PPP4R3B: variants seen among roughly 807,000 people sequenced by gnomAD.
PPP4R3B encodes the protein protein phosphatase 4 regulatory subunit 3B, also known as serine/threonine-protein phosphatase 4 regulatory subunit 3B.
In PPP4R3B, 52 loss-of-function variants were observed where a neutral mutation model predicts 95.4. That is an observed-to-expected ratio of 0.54 (90% CI 0.44 to 0.69). PPP4R3B has a LOEUF of 0.69. Among genes scored for constraint, PPP4R3B ranks in the 30% least tolerant of loss-of-function variants. PPP4R3B has a pLI of 0.00. For synonymous variants in PPP4R3B, 407 were observed against 343.9 expected (o/e 1.18, Z -2.03); for missense variants, 1,003 against 1,005.9 (o/e 1.00, Z 0.04).
chr2:55,571,772 T>C (rs1688031765), intron 12 of PPP4R3B, among the ~76,000 whole-genome samples: 2 of 152,116 alleles, frequency 1.3e-5, no homozygotes, highest in African/African-American at 4.8e-5. Flanking sequence ...ATTACAGACA[T>C]ACACCACCAT....
chr2:55,588,775 TA>T, intron 5 of PPP4R3B, 103 bp downstream of exon 5: 1 of 624,606 alleles, frequency 1.6e-6, no homozygotes, highest in Non-Finnish European at 2.8e-6. Context: ...CATCTCTTAC[TA>T]ATCTAATTAC....
intron 3 of PPP4R3B, 70 bp downstream of exon 3, chr2:55,603,908 A>C: frequency 1.9e-6 from 2 of 1,069,428 alleles, no homozygotes; most frequent in Non-Finnish European, 1.4e-6. Flanking sequence ...AATATGTTTG[A>C]AGTAAAAAGG....
rs1395063140 is a variant in PPP4R3B, at chr2:55,593,065, T to G, written c.922-4109A>C. ...TCCCAGCTCCCAGGAGGCTGAGGCT[T>G]GAGAATCACTTTAACCTGGGAGGCA... On this transcript the variant is annotated intron_variant, in intron 4 of 16. Transcript: ENST00000616407. Among the ~76,000 whole-genome samples the G allele has an allele frequency of 4.6e-5, 7 of 152,042 alleles. No individual in the cohort carries two copies. In the East Asian group the frequency reaches 1.4e-3, roughly 29 times the overall value.
At chr2:55,610,122 CTTTAATA>C (rs1024615872) in intron 2 of PPP4R3B, among the ~76,000 whole-genome samples, 1 of 152,174 alleles carries the variant, frequency 6.6e-6, no homozygotes, top group African/African-American at 2.4e-5. Flanking sequence ...GATTCCTTCT[CTTTAATA>C]TTTAATCATT....
intron 11 of PPP4R3B, 109 bp from the exon 12 acceptor site, chr2:55,573,886 C>CATT: frequency 2.2e-5 from 6 of 277,162 alleles, no homozygotes; most frequent in Non-Finnish European, 3.5e-5. Context: ...GTATTTCCTC[C>CATT]TTTTTTTTTT....
At position 55,558,970 on chromosome 2, in the gene PPP4R3B, TAAAGCA is replaced by T; in HGVS notation, c.2261-8_2261-3del. ...TTTCCTTGTCTTCACTTTCTTTTGCTAAAGCAAAAGTAAAATTTTGAACGTATATCA... is the reference window on the plus strand; with the variant it reads ...TTTCCTTGTCTTCACTTTCTTTTGCTAAAGTAAAATTTTGAACGTATATCA... On this transcript the variant is annotated splice_region_variant and splice_polypyrimidine_tract_variant and intron_variant, in intron 15 of 16. Transcript: ENST00000616407. The T allele has an allele frequency of 1.2e-6, 2 of 1,601,772 alleles. No individual in the cohort carries two copies. Among genetic ancestry groups the T allele is most frequent in the Non-Finnish European group, 1.7e-6 (2 of 1,175,558 alleles).
At chr2:55,590,118 G>A (rs1030191486) in intron 4 of PPP4R3B, among the ~76,000 whole-genome samples, 10 of 150,066 alleles carry the variant, frequency 6.7e-5, no homozygotes, top group Admixed American at 2.0e-4. Flanking sequence ...ACCTGAGGTC[G>A]GAAGTTCCAG....
In PPP4R3B at chr2:55,564,364, G is replaced by T; in HGVS notation, c.2209C>A (p.Pro737Thr). The change falls in exon 15 of 17, where the codon CCA (proline) becomes ACA (threonine). Residue 737 changes from proline (P) to threonine (T), a missense_variant. By Grantham distance (38) the Pro-to-Thr change is conservative. Around this residue, in one of 3 missense-constraint regions of PPP4R3B, gnomAD observed 229 missense variants for 194.7 expected, o/e 1.18. Transcript: ENST00000616407. ...AVVAPVEKPK[P>T]EDDFPDNYEK... Reference sequence around the variant, plus strand: ...TAATTATCTGGAAAATCATCTTCTGGCTTAGGTTTTTCCACTGGTGCCACA... The same window carrying T: ...TAATTATCTGGAAAATCATCTTCTGTCTTAGGTTTTTCCACTGGTGCCACA... 1 of 1,613,394 alleles carries T rather than the reference G, an allele frequency of 6.2e-7. No individual in the cohort carries two copies. The highest frequency in any genetic ancestry group is 8.5e-7 in the Non-Finnish European group (1 of 1,179,778).
At chr2:55,601,194 G>A (rs1692556769) in intron 3 of PPP4R3B, among the ~76,000 whole-genome samples, 1 of 151,006 alleles carries the variant, frequency 6.6e-6, no homozygotes, top group Admixed American at 6.6e-5. Context: ...CTGAAGGCAA[G>A]GGATGACATT....
At position 55,615,470 on chromosome 2, in the gene PPP4R3B, G is replaced by A. The variant is rs1389505665; in HGVS notation, c.179C>T (p.Thr60Ile). 3 of 1,594,216 alleles carry A rather than the reference G, an allele frequency of 1.9e-6. No individual in the cohort carries two copies. The Admixed American group carries it at 5.3e-5, about 28-fold the overall frequency. Reference protein sequence around the residue: ...LLLESKINPNTAYQKQQDTLI... With the variant: ...LLLESKINPNIAYQKQQDTLI... ...ACTTGCCTGTTGTTTCTGATATGCA[G>A]TATTTGGATTTATCTTTGATTCCAA... is the stretch of plus-strand genomic sequence containing the variant. Residue 60 changes from threonine to isoleucine, a missense_variant, in exon 2 of 17, where the codon ACT (threonine) becomes ATT (isoleucine). By Grantham distance (89) the Thr-to-Ile change is moderately conservative. Coordinates refer to ENST00000616407, the MANE Select transcript of PPP4R3B (RefSeq NM_001122964.3).
chr2:55,594,022 A>G (rs1232693609), intron 4 of PPP4R3B, among the ~76,000 whole-genome samples: 2 of 152,222 alleles, frequency 1.3e-5, no homozygotes, highest in Admixed American at 6.5e-5. Context: ...TAGCAACATG[A>G]ATGGAGCTGG....
Position 55,589,227 on chromosome 2 carries a change from C to T in PPP4R3B, c.922-271G>A, listed in dbSNP as rs575369649. ...AAAAATATTTGTTCTAGAGGTGTTACGTGAAAACTCACTTAACTTAGATTC... is the reference window on the plus strand; with the variant it reads ...AAAAATATTTGTTCTAGAGGTGTTATGTGAAAACTCACTTAACTTAGATTC... On this transcript the variant is annotated intron_variant, in intron 4 of 16. Coordinates refer to ENST00000616407, the MANE Select transcript of PPP4R3B (RefSeq NM_001122964.3). Among the ~76,000 whole-genome samples, 34 of 152,266 alleles carry T rather than the reference C, an allele frequency of 2.2e-4. No homozygotes were observed. In the South Asian group the frequency reaches 6.4e-3, roughly 29 times the overall value.
rs1314161434 is a variant in PPP4R3B, at chr2:55,611,127, G to A, written c.198+4324C>T. Among the ~76,000 whole-genome samples, 4 of 152,040 alleles carry A rather than the reference G, an allele frequency of 2.6e-5. No individual in the cohort carries two copies. In the East Asian group the frequency reaches 7.7e-4, roughly 29 times the overall value. On this transcript the variant is annotated intron_variant, in intron 2 of 16. Coordinates refer to ENST00000616407, the MANE Select transcript of PPP4R3B (RefSeq NM_001122964.3). ...TCCTCCTGCCTCAGCCTCCCAAAGT[G>A]TTGAGATTACAAGTGTGAGCCACTG...
intron 16 of PPP4R3B, among the ~76,000 whole-genome samples, chr2:55,558,091 A>C (rs948246977): frequency 3.9e-4 from 60 of 152,116 alleles, no homozygotes; most frequent in Admixed American, 3.9e-3. Flanking sequence ...AAATACTAAA[A>C]ATAATTATAG....
In PPP4R3B at chr2:55,603,999, C is replaced by T. The variant is rs1693037611; in HGVS notation, c.276G>A (p.Glu92=). The T allele has an allele frequency of 6.2e-7, 1 of 1,608,130 alleles. No homozygotes were observed. The highest frequency in any genetic ancestry group is 8.5e-7 in the Non-Finnish European group (1 of 1,178,032). ...LSFQEKAGCD[E]IWEKICQVQG... The stretch of plus-strand genomic sequence containing the variant: ...TTACCTGACAAATTTTTTCCCAGAT[C>T]TCATCACAGCCAGCTTTCTCCTGAA... The change falls in exon 3 of 17, where the codon GAG becomes GAA. Residue 92 remains glutamate (E), a synonymous_variant. Transcript: ENST00000616407.
At chr2:55,563,922 GT>G (rs1394230921) in intron 15 of PPP4R3B, among the ~76,000 whole-genome samples, 1 of 152,086 alleles carries the variant, frequency 6.6e-6, no homozygotes, top group Admixed American at 6.5e-5. Context: ...AAAGTTACTT[GT>G]TTGAGCTCAG....
intron 15 of PPP4R3B, among the ~76,000 whole-genome samples, chr2:55,559,364 CAAAA>C (rs969408688): frequency 6.6e-6 from 1 of 150,840 alleles, no homozygotes; most frequent in African/African-American, 2.4e-5. Flanking sequence ...ACCAAAAAAA[CAAAA>C]AAAAATAACA....
intron 16 of PPP4R3B, among the ~76,000 whole-genome samples, chr2:55,555,856 C>T (rs1275492764): frequency 6.6e-6 from 1 of 152,208 alleles, no homozygotes; most frequent in African/African-American, 2.4e-5. Flanking sequence ...TAACAGGTTT[C>T]TCTACTGTGA....
intron 16 of PPP4R3B, among the ~76,000 whole-genome samples, chr2:55,555,585 A>G (rs1206257047): frequency 6.6e-6 from 1 of 152,188 alleles, no homozygotes; most frequent in Non-Finnish European, 1.5e-5. Context: ...ATGGTGTCGC[A>G]CACCTGTAAT....
Sources: gnomAD v4.1 joint callset for allele counts (sites outside exome capture counted in the v4.1 genomes callset) on GRCh38, gnomAD v4.1.1 for gene constraint, gnomAD v4.1.1 regional missense constraint, MANE v1.5 for transcripts, NCBI Gene and HGNC (gene_info 2026-07-23, HGNC 2026-07-21) for gene names.